PLPP4: variants seen among roughly 807,000 people sequenced by gnomAD.
The protein encoded by PLPP4 is diacylglycerol pyrophosphate like 2.
A neutral mutation model predicts 32.2 loss-of-function variants in PLPP4; 20 were observed. The observed-to-expected ratio is 0.62, with a 90% CI of 0.44 to 0.90. The LOEUF (loss-of-function observed/expected upper bound fraction) is 0.90, where lower values mean the gene tolerates loss of function less well. Among genes scored for constraint, PLPP4 ranks in the 40% least tolerant of loss-of-function variants. The pLI is 0.00. For missense variants in PLPP4, 257 were observed against 353.1 expected, an observed-to-expected ratio of 0.73 and a Z score of 2.18; for synonymous variants, 127 against 133.0, an observed-to-expected ratio of 0.95 and a Z score of 0.31.
intron 6 of PLPP4, among the ~76,000 whole-genome samples, chr10:120,579,943 T>TAAAAAAAAAA (rs34914600): frequency 7.9e-6 from 1 of 127,260 alleles, no homozygotes; most frequent in Non-Finnish European, 1.7e-5. Context: ...CCGTCTCTAC[T>TAAAAAAAAAA]AAAAAAAAAA....
chr10:120,535,708 G>A (rs1036129036), intron 5 of PLPP4, among the ~76,000 whole-genome samples: 3 of 151,996 alleles, frequency 2.0e-5, no homozygotes, highest in African/African-American at 7.2e-5. Flanking sequence ...AAATGTCCTC[G>A]TTTTTTATTT....
chr10:120,540,769 A>T (rs10886708), intron 5 of PLPP4, among the ~76,000 whole-genome samples: 6,124 of 152,304 alleles, frequency 0.04, 288 homozygotes, highest in East Asian at 0.16. Flanking sequence ...AATGCATAAT[A>T]ATGGTGTCTC....
chr10:120,483,778 C>G (rs2133822348), intron 1 of PLPP4, among the ~76,000 whole-genome samples: 1 of 152,322 alleles, frequency 6.6e-6, no homozygotes, highest in South Asian at 2.1e-4. Context: ...TGACCCCTCC[C>G]CACTGTCTCT....
chr10:120,469,682 CT>C (rs1045201564), intron 1 of PLPP4, among the ~76,000 whole-genome samples: 1 of 152,158 alleles, frequency 6.6e-6, no homozygotes, highest in Non-Finnish European at 1.5e-5. Flanking sequence ...TATAAGGCTC[CT>C]GGAACCACTT....
chr10:120,521,711 G>C (rs966648352), intron 5 of PLPP4, among the ~76,000 whole-genome samples: 35 of 152,292 alleles, frequency 2.3e-4, no homozygotes, highest in African/African-American at 8.2e-4. Context: ...ACCTCCCTGT[G>C]CCTCAGTTCC....
chr10:120,530,847 T>C (rs915695578), intron 5 of PLPP4, among the ~76,000 whole-genome samples: 1 of 152,182 alleles, frequency 6.6e-6, no homozygotes, highest in Non-Finnish European at 1.5e-5. Context: ...TTTAGTCATT[T>C]TGGTGGGTGC....
chr10:120,476,212 C>A (rs1457359827), intron 1 of PLPP4, among the ~76,000 whole-genome samples: 54 of 152,204 alleles, frequency 3.5e-4, no homozygotes, highest in Non-Finnish European at 1.2e-4. Context: ...GCCAGCTGTG[C>A]CCCCTGTGCA....
intron 5 of PLPP4, among the ~76,000 whole-genome samples, chr10:120,556,881 A>AT (rs1375879701): frequency 2.1e-4 from 30 of 144,394 alleles, no homozygotes; most frequent in Admixed American, 1.2e-3. Flanking sequence ...AGATTTTGCA[A>AT]TTTTAATGGC....
chr10:120,527,486 G>T (rs1846456374), intron 5 of PLPP4, among the ~76,000 whole-genome samples: 1 of 152,098 alleles, frequency 6.6e-6, no homozygotes, highest in African/African-American at 2.4e-5. Context: ...GATTGCAAAC[G>T]TTCCTCACTG....
rs1427229594 is a variant in PLPP4, at chr10:120,524,192, G to C, written c.445+3097G>C. Among the ~76,000 whole-genome samples, 6 of 152,070 alleles carry C rather than the reference G, an allele frequency of 3.9e-5. No homozygotes were observed. The East Asian group carries it at 9.6e-4, about 24-fold the overall frequency. The stretch of plus-strand genomic sequence containing the variant: ...CATTTATTTTCTCCTTTTTTTAAAT[G>C]ACAGGTTAGTGATTGGCTTGAAGGG... On this transcript the variant is annotated intron_variant, in intron 5 of 6. Transcript: ENST00000398250.
intron 5 of PLPP4, among the ~76,000 whole-genome samples, chr10:120,550,057 C>A (rs112975654): frequency 4.3e-4 from 65 of 151,766 alleles, no homozygotes; most frequent in African/African-American, 1.4e-3. Context: ...GCAGATAACA[C>A]GATTATTTGT....
At chr10:120,484,039 C>T (rs1333240874) in intron 1 of PLPP4, among the ~76,000 whole-genome samples, 1 of 152,176 alleles carries the variant, frequency 6.6e-6, no homozygotes, top group Non-Finnish European at 1.5e-5. Flanking sequence ...ATGGAGCTTC[C>T]AGGCTGGTGG....
At chr10:120,583,501 T>C (rs550189972) in intron 6 of PLPP4, among the ~76,000 whole-genome samples, 1 of 152,228 alleles carries the variant, frequency 6.6e-6, no homozygotes, top group Non-Finnish European at 1.5e-5. Flanking sequence ...ACAGAAACAT[T>C]TTTATATATC....
chr10:120,492,894 A>G (rs989433810), intron 1 of PLPP4, among the ~76,000 whole-genome samples: 2 of 152,212 alleles, frequency 1.3e-5, no homozygotes, highest in Non-Finnish European at 2.9e-5. Flanking sequence ...TTGGTTGGAT[A>G]TCTCTGTTTA....
chr10:120,501,133 A>C (rs1394169108), intron 1 of PLPP4, among the ~76,000 whole-genome samples: 3 of 152,206 alleles, frequency 2.0e-5, no homozygotes, highest in African/African-American at 7.2e-5. Context: ...AGTAGGAACT[A>C]CCTAGGCGAT....
chr10:120,520,972 C>A lies in PLPP4; in HGVS notation c.322C>A (p.Pro108Thr), dbSNP rs1235869236. 1.2e-6 allele frequency: 2 copies of A among 1,613,768 alleles called. No individual in the cohort carries two copies. Among genetic ancestry groups the A allele is most frequent in the Non-Finnish European group, 1.7e-6 (2 of 1,179,910 alleles). The stretch of plus-strand genomic sequence containing the variant: ...AAATGTCCATGGTGTCTTTTGTAGA[C>A]CTCGCCCCGATTTCTTTTACCGCTG... ...TNTIKLIVGR[P>T]RPDFFYRCFP... Residue 108 changes from proline (P) to threonine (T), a missense_variant and splice_region_variant, in exon 5 of 7, where the codon CCT becomes ACT. Physicochemically the swap from Pro to Thr is conservative, Grantham distance 38. Transcript: ENST00000398250.
chr10:120,547,145 A>G (rs1384373750), intron 5 of PLPP4, among the ~76,000 whole-genome samples: 1 of 152,000 alleles, frequency 6.6e-6, no homozygotes, highest in Non-Finnish European at 1.5e-5. Context: ...AATGAAAGTT[A>G]TTTTTCTTCA....
At chr10:120,493,190 T>A (rs1183054068) in intron 1 of PLPP4, among the ~76,000 whole-genome samples, 3 of 152,244 alleles carry the variant, frequency 2.0e-5, no homozygotes, top group Admixed American at 1.3e-4. Flanking sequence ...GTTTCATTTT[T>A]GATTGTTTTG....
intron 2 of PLPP4, among the ~76,000 whole-genome samples, 195 bp downstream of exon 2, chr10:120,504,121 A>G (rs1412804466): frequency 6.6e-6 from 1 of 152,236 alleles, no homozygotes; most frequent in Non-Finnish European, 1.5e-5. Context: ...GTCTGTTAGA[A>G]ATGCTCATTC....
Sources: gnomAD v4.1 joint callset for allele counts (sites outside exome capture counted in the v4.1 genomes callset) on GRCh38, gnomAD v4.1.1 for gene constraint, MANE v1.5 for transcripts, NCBI Gene and HGNC (gene_info 2026-07-23, HGNC 2026-07-21) for gene names.